The following FHOD3 variants were observed in gnomAD, a reference collection of about 807,000 sequenced individuals.
The protein encoded by FHOD3 is FH1/FH2 domain-containing protein 3.
FHOD3 carries 90 observed loss-of-function variants against 173.0 expected under a neutral mutation model. The observed-to-expected ratio is 0.52, with a 90% CI of 0.44 to 0.62. The LOEUF (loss-of-function observed/expected upper bound fraction) is 0.62. Ranked by LOEUF, FHOD3 falls within the 20% of genes least tolerant of loss-of-function variation. The pLI is 0.00. For synonymous variants in FHOD3, 828 were observed against 823.0 expected, an observed-to-expected ratio of 1.01 and a Z score of -0.10; for missense variants, 1,945 against 2,034.7, an observed-to-expected ratio of 0.96 and a Z score of 0.85.
intron 10 of FHOD3, 26 bp downstream of exon 10, chr18:36,625,775 G>A (rs753240384): frequency 7.7e-6 from 12 of 1,566,056 alleles, no homozygotes; most frequent in Non-Finnish European, 9.6e-6. Flanking sequence ...GCAGTGGAGA[G>A]GGGTGCAAGG....
At chr18:36,561,910 C>T (rs2058093929) in intron 5 of FHOD3, among the ~76,000 whole-genome samples, 2 of 152,046 alleles carry the variant, frequency 1.3e-5, no homozygotes, top group African/African-American at 2.4e-5. Context: ...TAATACTTCC[C>T]AAGAATTTAG....
In FHOD3 at chr18:36,741,160, A is replaced by G. The variant is rs988055008; in HGVS notation, c.3759+322A>G. 6.6e-5 allele frequency among the ~76,000 whole-genome samples: 10 copies of G among 152,334 alleles called. No individual in the cohort carries two copies. The East Asian group carries it at 1.9e-3, about 29-fold the overall frequency. ...TATGGAAAATACAGAAAAGCACAAT[A>G]TAGAAAATTTCCTATAATCCTTCCA... On this transcript the variant is annotated intron_variant, in intron 21 of 28. Coordinates refer to ENST00000590592, the MANE Select transcript of FHOD3 (RefSeq NM_001281740.3).
intron 1 of FHOD3, among the ~76,000 whole-genome samples, chr18:36,314,310 G>A (rs1179259177): frequency 6.6e-6 from 1 of 152,206 alleles, no homozygotes; most frequent in Admixed American, 6.5e-5. Flanking sequence ...TGACAGAGCT[G>A]TGTGAGAATC....
chr18:36,653,612 G>C (rs1275993382), intron 13 of FHOD3, among the ~76,000 whole-genome samples, 196 bp downstream of exon 13: 2 of 152,186 alleles, frequency 1.3e-5, no homozygotes, highest in East Asian at 3.8e-4. Context: ...TGAGGGCAGA[G>C]GGAGGTGTGC....
chr18:36,445,564 C>T (rs2051418195), intron 3 of FHOD3, among the ~76,000 whole-genome samples: 1 of 152,076 alleles, frequency 6.6e-6, no homozygotes, highest in Non-Finnish European at 1.5e-5. Context: ...AAGTTATTTC[C>T]CTTCTCTACT....
At chr18:36,532,631 C>A (rs2056832966) in intron 5 of FHOD3, among the ~76,000 whole-genome samples, 1 of 152,194 alleles carries the variant, frequency 6.6e-6, no homozygotes, top group South Asian at 2.1e-4. Context: ...TGAGTCATCT[C>A]AGATCCTTCC....
intron 3 of FHOD3, among the ~76,000 whole-genome samples, chr18:36,402,763 A>G (rs527679690): frequency 4.5e-4 from 69 of 152,282 alleles, no homozygotes; most frequent in African/African-American, 1.7e-3. Flanking sequence ...GGAATTTTCT[A>G]TCTTTCTGAT....
In FHOD3 at chr18:36,716,848, G is replaced by A. The variant is rs558411060; in HGVS notation, c.2534-984G>A. Among the ~76,000 whole-genome samples, 6 of 152,232 alleles carry A rather than the reference G, an allele frequency of 3.9e-5. No homozygotes were observed. In the East Asian group the frequency reaches 1.2e-3, roughly 29 times the overall value. ...TGAGAAAAGTTAAAGTTAGGTGATA[G>A]CTAGAGGGATGAGTGGGGCCAAGGG... On this transcript the variant is annotated intron_variant, in intron 18 of 28. Coordinates refer to ENST00000590592, the MANE Select transcript of FHOD3 (RefSeq NM_001281740.3).
intron 23 of FHOD3, 75 bp from the exon 24 acceptor site, chr18:36,746,870 A>C (rs1156346629): frequency 4.4e-6 from 5 of 1,139,400 alleles, no homozygotes; most frequent in African/African-American, 1.6e-5. Context: ...TTCTCCCCAG[A>C]GGCAGTTTTG....
At chr18:36,560,732 T>A (rs1457757488) in intron 5 of FHOD3, among the ~76,000 whole-genome samples, 1 of 151,996 alleles carries the variant, frequency 6.6e-6, no homozygotes, top group Non-Finnish European at 1.5e-5. Flanking sequence ...ACAGTTTGGG[T>A]TGAAAGACTG....
intron 15 of FHOD3, among the ~76,000 whole-genome samples, chr18:36,684,378 T>C (rs953156410): frequency 1.3e-4 from 20 of 152,144 alleles, no homozygotes; most frequent in Non-Finnish European, 1.0e-4. Context: ...AATTAAAAGA[T>C]GGCTAACCAC....
chr18:36,431,617 G>T (rs1164315296), intron 3 of FHOD3, among the ~76,000 whole-genome samples: 1 of 152,140 alleles, frequency 6.6e-6, no homozygotes, highest in African/African-American at 2.4e-5. Flanking sequence ...GGCCTCTAAG[G>T]TCCCTTCCAA....
At chr18:36,716,992 G>A (rs1264708212) in intron 18 of FHOD3, among the ~76,000 whole-genome samples, 2 of 151,306 alleles carry the variant, frequency 1.3e-5, no homozygotes, top group Non-Finnish European at 2.9e-5. Flanking sequence ...TAGTGGGAAG[G>A]CCATGGGAAA....
At chr18:36,330,147 C>T (rs994172025) in intron 1 of FHOD3, among the ~76,000 whole-genome samples, 1 of 152,148 alleles carries the variant, frequency 6.6e-6, no homozygotes, top group African/African-American at 2.4e-5. Flanking sequence ...CCAACTTAAC[C>T]AGACCTATTA....
chr18:36,463,631 G>A (rs1349968069), intron 3 of FHOD3, among the ~76,000 whole-genome samples: 2 of 146,768 alleles, frequency 1.4e-5, no homozygotes, highest in East Asian at 4.1e-4. Context: ...CCTGAGCTGG[G>A]ACTACAGGTG....
intron 1 of FHOD3, among the ~76,000 whole-genome samples, chr18:36,325,190 G>T (rs901684932): frequency 6.6e-6 from 1 of 152,032 alleles, no homozygotes; most frequent in Non-Finnish European, 1.5e-5. Flanking sequence ...GACTGGCAGG[G>T]AGTGGTGGGG....
Position 36,333,796 on chromosome 18 carries a change from A to G in FHOD3, c.166-21743A>G, listed in dbSNP as rs138843921. Among the ~76,000 whole-genome samples the G allele has an allele frequency of 3.7e-4, 57 of 152,338 alleles. No individual in the cohort carries two copies. In the East Asian group the frequency reaches 6.7e-3, roughly 18 times the overall value. On this transcript the variant is annotated intron_variant, in intron 1 of 28. Transcript: ENST00000590592. Reference sequence around the variant, plus strand: ...AGCACTCTGTTGTAAGAAACCCTCCAGTGACTTATCCATGCTTAAGTTTGA... The same window carrying G: ...AGCACTCTGTTGTAAGAAACCCTCCGGTGACTTATCCATGCTTAAGTTTGA...
At chr18:36,589,665 ACTCCT>A (rs1403025277) in intron 6 of FHOD3, among the ~76,000 whole-genome samples, 1 of 151,906 alleles carries the variant, frequency 6.6e-6, no homozygotes, top group Non-Finnish European at 1.5e-5. Flanking sequence ...CAGGCTCTGA[ACTCCT>A]TCTGCAAAGG....
chr18:36,615,526 A>G (rs9955265), intron 9 of FHOD3, among the ~76,000 whole-genome samples: 2,169 of 152,268 alleles, frequency 0.014, 58 homozygotes, highest in African/African-American at 0.05. Context: ...GTCTACATAT[A>G]GTGTTGCATG....
Sources: gnomAD v4.1 joint callset for allele counts (sites outside exome capture counted in the v4.1 genomes callset) on GRCh38, gnomAD v4.1.1 for gene constraint, MANE v1.5 for transcripts, NCBI Gene and HGNC (gene_info 2026-07-23, HGNC 2026-07-21) for gene names.